ACADSB: variants seen among roughly 807,000 people sequenced by gnomAD.
ACADSB encodes the protein short/branched chain specific acyl-CoA dehydrogenase, mitochondrial.
In ACADSB, 40 loss-of-function variants were observed where a neutral mutation model predicts 54.1. The observed-to-expected ratio is 0.74, with a 90% CI of 0.57 to 0.96. The LOEUF (loss-of-function observed/expected upper bound fraction) is 0.96, where lower values mean the gene tolerates loss of function less well. Among genes scored for constraint, ACADSB ranks in the 40% least tolerant of loss-of-function variants. The pLI, the probability that ACADSB is intolerant of heterozygous loss-of-function variation, is 0.00. For synonymous variants in ACADSB, 182 were observed against 182.8 expected, an observed-to-expected ratio of 1.00 and a Z score of 0.03; for missense variants, 530 against 510.4, an observed-to-expected ratio of 1.04 and a Z score of -0.37.
At chr10:123,040,416 C>T in intron 3 of ACADSB, 50 bp from the exon 4 acceptor site, 1 of 1,465,912 alleles carries the variant, frequency 6.8e-7, no homozygotes, top group Non-Finnish European at 9.5e-7. Context: ...AAGAAATTTC[C>T]CCATATAAAA....
intron 1 of ACADSB, among the ~76,000 whole-genome samples, chr10:123,015,596 G>T (rs975668981): frequency 6.6e-6 from 1 of 152,216 alleles, no homozygotes; most frequent in Non-Finnish European, 1.5e-5. Flanking sequence ...GTAGACCTGT[G>T]TAACAGTGTA....
Position 123,009,016 on chromosome 10 carries a change from G to C in ACADSB, c.-14G>C, listed in dbSNP as rs1849950239. ...GAGACCCAGAGGCGCAGAGCGGAGA[G>C]GCCTGCGGCGAGGATGGAGGGCCTG... On this transcript the variant is annotated 5_prime_UTR_variant, in exon 1 of 11. Transcript: ENST00000358776. 1.9e-6 allele frequency: 3 copies of C among 1,547,776 alleles called. No individual in the cohort carries two copies. The East Asian group carries it at 7.3e-5, about 38-fold the overall frequency.
intron 5 of ACADSB, 70 bp from the exon 6 acceptor site, chr10:123,042,975 TA>T: frequency 6.4e-7 from 1 of 1,562,048 alleles, no homozygotes; most frequent in Non-Finnish European, 8.8e-7. Flanking sequence ...GTTTTCTTTT[TA>T]CTTAAACTCT....
chr10:123,050,695 G>C (rs1175372735), intron 8 of ACADSB, among the ~76,000 whole-genome samples: 6 of 149,880 alleles, frequency 4.0e-5, no homozygotes, highest in African/African-American at 1.5e-4. Flanking sequence ...AAGTTTTGCT[G>C]TGCCAGGATT....
In ACADSB at chr10:123,051,330, T is replaced by C. The variant is rs1002929952; in HGVS notation, c.1128+144T>C. On this transcript the variant is annotated intron_variant, in intron 9 of 10. Coordinates refer to ENST00000358776, the MANE Select transcript of ACADSB (RefSeq NM_001609.4). ...TAAGATAACATGGACTTTTATTTCT[T>C]ATAATAGAAAAGCAAAAAAGGAAAA... 4.0e-5 allele frequency: 46 copies of C among 1,155,968 alleles called. No individual in the cohort carries two copies. In the Middle Eastern group the frequency reaches 9.2e-4, roughly 23 times the overall value. The allele number at this position is 1,155,968 out of a possible 1,614,324, so 71.6% of individuals were successfully genotyped here.
chr10:123,048,567 C>T (rs1326013270), intron 8 of ACADSB, among the ~76,000 whole-genome samples: 2 of 151,966 alleles, frequency 1.3e-5, no homozygotes, highest in Non-Finnish European at 1.5e-5. Context: ...TCTTTATGCA[C>T]AGGAAACTAT....
chr10:123,019,181 C>T (rs1022577342), intron 1 of ACADSB, among the ~76,000 whole-genome samples: 3 of 152,070 alleles, frequency 2.0e-5, no homozygotes, highest in African/African-American at 4.8e-5. Flanking sequence ...GATTCTTATG[C>T]AGTTATAAAA....
intron 7 of ACADSB, among the ~76,000 whole-genome samples, chr10:123,046,550 TAC>T (rs1850562730): frequency 6.6e-6 from 1 of 152,208 alleles, no homozygotes; most frequent in Non-Finnish European, 1.5e-5. Context: ...TAAGGAGTTT[TAC>T]AGAGTTGAGG....
intron 2 of ACADSB, among the ~76,000 whole-genome samples, chr10:123,036,699 A>G (rs2421139): frequency 0.56 from 84,816 of 151,982 alleles, 23,925 homozygotes; most frequent in South Asian, 0.63. Flanking sequence ...TATTTGGGGA[A>G]CAAAGCAGAG....
intron 2 of ACADSB, among the ~76,000 whole-genome samples, chr10:123,035,962 A>T (rs1321262484): frequency 1.3e-5 from 2 of 152,246 alleles, no homozygotes; most frequent in Non-Finnish European, 2.9e-5. Flanking sequence ...TTGGAAGCTT[A>T]ATTGTAAAAT....
At chr10:123,010,386 T>C (rs917507199) in intron 1 of ACADSB, among the ~76,000 whole-genome samples, 2 of 152,248 alleles carry the variant, frequency 1.3e-5, no homozygotes, top group African/African-American at 4.8e-5. Flanking sequence ...CTTAGAGATA[T>C]CAAAAACCTA....
chr10:123,018,847 C>T (rs1201306835), intron 1 of ACADSB, among the ~76,000 whole-genome samples: 2 of 152,176 alleles, frequency 1.3e-5, no homozygotes, highest in Admixed American at 1.3e-4. Context: ...GAGAACAACA[C>T]AGGAACAACC....
At chr10:123,044,817 A>G (rs530678140) in intron 7 of ACADSB, among the ~76,000 whole-genome samples, 2 of 152,260 alleles carry the variant, frequency 1.3e-5, no homozygotes, top group African/African-American at 4.8e-5. Context: ...CATGAAATTC[A>G]TTCTGGAAGG....
intron 1 of ACADSB, among the ~76,000 whole-genome samples, chr10:123,029,175 C>T (rs996287959): frequency 2.6e-5 from 4 of 151,918 alleles, no homozygotes; most frequent in South Asian, 2.1e-4. Flanking sequence ...GGTGAAACCC[C>T]GTCTCTACTA....
intron 1 of ACADSB, among the ~76,000 whole-genome samples, chr10:123,014,519 G>A (rs1052117220): frequency 3.4e-4 from 51 of 152,122 alleles, no homozygotes; most frequent in African/African-American, 1.2e-3. Context: ...TATTAATGTA[G>A]GCAGAACACA....
intron 7 of ACADSB, among the ~76,000 whole-genome samples, chr10:123,044,887 T>C (rs191763689): frequency 2.0e-5 from 3 of 152,124 alleles, no homozygotes; most frequent in African/African-American, 7.2e-5. Context: ...ATATCTATAG[T>C]TAATAAAAGA....
intron 9 of ACADSB, among the ~76,000 whole-genome samples, chr10:123,051,882 G>A (rs1046705480): frequency 3.3e-5 from 5 of 152,062 alleles, no homozygotes; most frequent in Admixed American, 1.3e-4. Flanking sequence ...GAACCTGAGC[G>A]TCATCTTGGC....
intron 1 of ACADSB, among the ~76,000 whole-genome samples, chr10:123,017,782 A>G (rs1185390261): frequency 6.6e-6 from 1 of 152,250 alleles, no homozygotes; most frequent in Non-Finnish European, 1.5e-5. Context: ...TAATTTTTTA[A>G]TAACTCCCAT....
intron 10 of ACADSB, among the ~76,000 whole-genome samples, chr10:123,053,488 A>C (rs1850659999): frequency 1.3e-5 from 2 of 152,302 alleles, no homozygotes; most frequent in Middle Eastern, 3.4e-3. Context: ...AGTCAGTTTA[A>C]TACTGATCCT....
Sources: gnomAD v4.1 joint callset for allele counts (sites outside exome capture counted in the v4.1 genomes callset) on GRCh38, gnomAD v4.1.1 for gene constraint, MANE v1.5 for transcripts, NCBI Gene and HGNC (gene_info 2026-07-23, HGNC 2026-07-21) for gene names.